Variants in SDR9C7 observed in about 807,000 individuals in gnomAD.
The protein encoded by SDR9C7 is short-chain dehydrogenase/reductase family 9C member 7.
A neutral mutation model predicts 23.6 loss-of-function variants in SDR9C7; 11 were observed. The observed-to-expected ratio is 0.47, with a 90% CI of 0.29 to 0.77. SDR9C7 has a LOEUF of 0.77. Among genes scored for constraint, SDR9C7 ranks in the 30% least tolerant of loss-of-function variants. The pLI is 0.09. For synonymous variants in SDR9C7, 167 were observed against 157.3 expected (o/e 1.06, Z -0.46); for missense variants, 387 against 407.1 (o/e 0.95, Z 0.42).
At position 56,923,555 on chromosome 12, in the gene SDR9C7, T is replaced by C. The variant is rs1046403164; in HGVS notation, c.*278A>G. On this transcript the variant is annotated 3_prime_UTR_variant, in exon 4 of 4. Transcript: ENST00000293502. ...TGACTTTTCCAGGACCAGAAAAAGC[T>C]GTATCCTGATTGGGTGACAGACGTC... 7 of 286,350 alleles carry C rather than the reference T, an allele frequency of 2.4e-5. No homozygotes were observed. The Middle Eastern group carries it at 3.0e-3, about 122-fold the overall frequency. 17.7% of individuals were successfully genotyped at this position (286,350 alleles called of 1,614,324 possible).
chr12:56,930,522 G>A, intron 1 of SDR9C7, 38 bp from the exon 2 acceptor site: 1 of 1,604,220 alleles, frequency 6.2e-7, no homozygotes, highest in Non-Finnish European at 8.5e-7. Context: ...TCATCAGTGG[G>A]CCTGGGAAAG....
chr12:56,928,332 C>T (rs1955747538), intron 3 of SDR9C7, among the ~76,000 whole-genome samples: 1 of 152,176 alleles, frequency 6.6e-6, no homozygotes, highest in Admixed American at 6.5e-5. Flanking sequence ...CCAGCAACAC[C>T]TAACTCTTAT....
At chr12:56,932,111 G>A (rs1555159517) in intron 1 of SDR9C7, among the ~76,000 whole-genome samples, 1 of 152,220 alleles carries the variant, frequency 6.6e-6, no homozygotes, top group Non-Finnish European at 1.5e-5. Context: ...TCTGGAACCT[G>A]TGAATCTGCT....
intron 2 of SDR9C7, among the ~76,000 whole-genome samples, chr12:56,929,811 GCCTCCCACCAGGTC>G (rs569490211): frequency 7.2e-5 from 11 of 152,324 alleles, no homozygotes; most frequent in African/African-American, 2.4e-4. Flanking sequence ...CCAAAGCCTT[GCCTCCCACCAGGTC>G]CCTCCCATTA....
In SDR9C7 at chr12:56,929,425, G is replaced by T. The variant is rs376708384; in HGVS notation, c.689C>A (p.Thr230Asn). The T allele has an allele frequency of 2.5e-5, 40 of 1,612,454 alleles. No individual in the cohort carries two copies. Among genetic ancestry groups the T allele is most frequent in the Non-Finnish European group, 3.2e-5 (38 of 1,178,716 alleles). Reference sequence around the variant, plus strand: ...ATAATCCTCTCCGTAGCTGTCCCGGGTCTCCTGAGGCAGCCTCTCCCAAAG... The same window carrying T: ...ATAATCCTCTCCGTAGCTGTCCCGGTTCTCCTGAGGCAGCCTCTCCCAAAG... Reference protein sequence around the residue: ...RKLWERLPQETRDSYGEDYFR... With the variant: ...RKLWERLPQENRDSYGEDYFR... Residue 230 changes from threonine to asparagine, a missense_variant, in exon 3 of 4, where the codon ACC becomes AAC. Transcript: ENST00000293502.
Position 56,929,424 on chromosome 12 carries a change from G to C in SDR9C7, c.690C>G (p.Thr230=). ...RKLWERLPQE[T]RDSYGEDYFR... is the part of the protein sequence containing the mutation. ...AATAATCCTCTCCGTAGCTGTCCCG[G>C]GTCTCCTGAGGCAGCCTCTCCCAAA... The change falls in exon 3 of 4, where the codon ACC becomes ACG. Residue 230 remains threonine (T), a synonymous_variant. Coordinates refer to ENST00000293502, the MANE Select transcript of SDR9C7 (RefSeq NM_148897.3). 1.1e-5 allele frequency: 17 copies of C among 1,612,504 alleles called. No individual in the cohort carries two copies. Among genetic ancestry groups the C allele is most frequent in the Non-Finnish European group, 1.4e-5 (16 of 1,178,640 alleles).
intron 3 of SDR9C7, among the ~76,000 whole-genome samples, chr12:56,924,678 T>C (rs1049310386): frequency 6.6e-6 from 1 of 152,164 alleles, no homozygotes; most frequent in African/African-American, 2.4e-5. Flanking sequence ...CCCAGTACTT[T>C]GGGATGCCAA....
intron 3 of SDR9C7, among the ~76,000 whole-genome samples, chr12:56,927,268 C>T (rs1955740768): frequency 6.6e-6 from 1 of 152,182 alleles, no homozygotes; most frequent in Non-Finnish European, 1.5e-5. Context: ...ACTAAAGATG[C>T]TACAAGCTCT....
intron 2 of SDR9C7, 67 bp from the exon 3 acceptor site, chr12:56,929,620 G>C: frequency 6.4e-7 from 1 of 1,554,744 alleles, no homozygotes. Context: ...GTCACCTCTG[G>C]ATGGGCTGGT....
At chr12:56,933,886 A>G in intron 1 of SDR9C7, 75 bp downstream of exon 1, 1 of 1,509,646 alleles carries the variant, frequency 6.6e-7, no homozygotes, top group South Asian at 1.3e-5. Flanking sequence ...GGTCTCTGAT[A>G]CTGTCAGATG....
intron 3 of SDR9C7, among the ~76,000 whole-genome samples, chr12:56,926,880 G>T (rs1318893262): frequency 3.9e-5 from 6 of 152,284 alleles, no homozygotes; most frequent in African/African-American, 1.2e-4. Context: ...CCTCTGTAAG[G>T]CTTCTGTGAC....
Position 56,923,942 on chromosome 12 carries a change from T to C in SDR9C7, c.833A>G (p.Asn278Ser), listed in dbSNP as rs571332351. The C allele has an allele frequency of 3.7e-6, 6 of 1,613,974 alleles. No individual in the cohort carries two copies. The African/African-American group carries it at 8.0e-5, about 22-fold the overall frequency. Residue 278 changes from asparagine (N) to serine (S), a missense_variant, in exon 4 of 4, where the codon AAC (asparagine) becomes AGC (serine). Asn to Ser is a conservative substitution (Grantham distance 46). Coordinates refer to ENST00000293502, the MANE Select transcript of SDR9C7 (RefSeq NM_148897.3). The stretch of plus-strand genomic sequence containing the variant: ...GAGGAGTTTGGCATCCAGGCCAGGG[T>C]TGTAGCGGATGCGAGGGCTCCGGGA... ...IVSRSPRIRY[N>S]PGLDAKLLYI...
chr12:56,933,603 C>T (rs867155704), intron 1 of SDR9C7, among the ~76,000 whole-genome samples: 1 of 152,204 alleles, frequency 6.6e-6, no homozygotes. Context: ...CATGATCCTC[C>T]CACTTCGGCC....
At chr12:56,932,420 C>T (rs115666541) in intron 1 of SDR9C7, among the ~76,000 whole-genome samples, 4 of 152,216 alleles carry the variant, frequency 2.6e-5, no homozygotes, top group African/African-American at 9.6e-5. Context: ...GGATTCTCCT[C>T]TACAGCCTCT....
In SDR9C7 at chr12:56,930,295, C is replaced by A; in HGVS notation, c.491G>T (p.Arg164Leu). The A allele has an allele frequency of 6.2e-7, 1 of 1,614,176 alleles. No homozygotes were observed. The highest frequency in any genetic ancestry group is 8.5e-7 in the Non-Finnish European group (1 of 1,180,022). The change falls in exon 2 of 4, where the codon CGT (arginine) becomes CTT (leucine). Residue 164 changes from arginine (R) to leucine (L), a missense_variant. By Grantham distance (102) the Arg-to-Leu change is moderately radical. Transcript: ENST00000293502. The stretch of plus-strand genomic sequence containing the variant: ...GTAGCCACCACCAATGACAGCCACA[C>A]GACCACCAGAGCTGGACATGTTGAC... ...RVVNMSSSGG[R>L]VAVIGGGYCV... is the part of the protein sequence containing the mutation.
intron 1 of SDR9C7, among the ~76,000 whole-genome samples, chr12:56,932,073 C>T (rs1955771695): frequency 6.6e-6 from 1 of 152,178 alleles, no homozygotes; most frequent in African/African-American, 2.4e-5. Flanking sequence ...AATAATGGTC[C>T]CCCAAAGATG....
At chr12:56,930,004 C>T (rs1050087870) in intron 2 of SDR9C7, among the ~76,000 whole-genome samples, 2 of 152,220 alleles carry the variant, frequency 1.3e-5, no homozygotes, top group African/African-American at 4.8e-5. Context: ...ACCCTGGTGC[C>T]GCTCAAGGGA....
In SDR9C7 at chr12:56,923,842, G is replaced by T; in HGVS notation, c.933C>A (p.Asp311Glu). The change falls in exon 4 of 4, where the codon GAC becomes GAA. Residue 311 changes from aspartate (D) to glutamate (E), a missense_variant. Asp to Glu is a conservative substitution (Grantham distance 45). Coordinates refer to ENST00000293502, the MANE Select transcript of SDR9C7 (RefSeq NM_148897.3). The part of the protein sequence containing the change: ...ILSRYLPRPA[D>E]SV ...ATTGATCCTCCCCAGTTTAGACACT[G>T]TCCGCTGGCCTTGGAAGGTACCGGC... is the stretch of plus-strand genomic sequence containing the variant. 1 of 1,605,672 alleles carries T rather than the reference G, an allele frequency of 6.2e-7. No homozygotes were observed. Among genetic ancestry groups the T allele is most frequent in the Non-Finnish European group, 8.5e-7 (1 of 1,174,894 alleles).
chr12:56,930,691 C>T (rs542565855), intron 1 of SDR9C7, among the ~76,000 whole-genome samples: 6 of 152,340 alleles, frequency 3.9e-5, no homozygotes, highest in Non-Finnish European at 7.4e-5. Flanking sequence ...TAAAGTCTGC[C>T]GGCTAGCTGG....
Sources: allele counts gnomAD v4.1 joint callset (sites outside exome capture counted in the v4.1 genomes callset), GRCh38; gene constraint gnomAD v4.1.1; transcripts MANE v1.5; gene names NCBI Gene and HGNC (gene_info 2026-07-23, HGNC 2026-07-21).